Variants in DSCAM observed in about 807,000 individuals in gnomAD.
The protein encoded by DSCAM is DS cell adhesion molecule.
DSCAM carries 47 observed loss-of-function variants against 217.7 expected under a neutral mutation model. The observed-to-expected ratio is 0.22, with a 90% CI of 0.17 to 0.28. The LOEUF (loss-of-function observed/expected upper bound fraction) is 0.28, where lower values mean the gene tolerates loss of function less well. Ranked by LOEUF, DSCAM falls within the 10% of genes least tolerant of loss-of-function variation. The pLI is 1.00. For missense variants in DSCAM, 2,080 were observed against 2,618.3 expected (o/e 0.79, Z 4.49); for synonymous variants, 1,056 against 1,015.3 (o/e 1.04, Z -0.76).
chr21:40,539,431 G>A (rs191941933), intron 3 of DSCAM, among the ~76,000 whole-genome samples: 167 of 151,986 alleles, frequency 1.1e-3, no homozygotes, highest in African/African-American at 3.9e-3. Context: ...GGGAGGCAGA[G>A]CTTGCAGTGA....
chr21:40,785,474 T>A (rs2091584391), intron 1 of DSCAM, among the ~76,000 whole-genome samples: 1 of 152,198 alleles, frequency 6.6e-6, no homozygotes, highest in Non-Finnish European at 1.5e-5. Flanking sequence ...CCAATACACT[T>A]ATCAGGAGAA....
At chr21:40,335,939 T>C (rs1004914966) in intron 8 of DSCAM, among the ~76,000 whole-genome samples, 1 of 152,232 alleles carries the variant, frequency 6.6e-6, no homozygotes, top group African/African-American at 2.4e-5. Context: ...ACAGGATGAC[T>C]ATTCATTGTA....
At chr21:40,735,244 C>A (rs894741097) in intron 1 of DSCAM, among the ~76,000 whole-genome samples, 24 of 152,186 alleles carry the variant, frequency 1.6e-4, no homozygotes, top group African/African-American at 5.8e-4. Context: ...GGCACTGATA[C>A]AAGCTAGATG....
At chr21:40,774,964 GT>G in intron 1 of DSCAM, among the ~76,000 whole-genome samples, 1 of 109,952 alleles carries the variant, frequency 9.1e-6, no homozygotes, top group African/African-American at 3.5e-5. Flanking sequence ...AAATTATTAT[GT>G]AATAATTATA....
At chr21:40,828,136 C>A (rs987040092) in intron 1 of DSCAM, among the ~76,000 whole-genome samples, 2 of 152,122 alleles carry the variant, frequency 1.3e-5, no homozygotes, top group African/African-American at 4.8e-5. Context: ...GATGCAGTGG[C>A]TCACACCTGT....
intron 27 of DSCAM, among the ~76,000 whole-genome samples, chr21:40,072,538 C>CG (rs1444407554): frequency 3.3e-5 from 5 of 151,684 alleles, no homozygotes; most frequent in Non-Finnish European, 7.4e-5. Flanking sequence ...TTAGTAGAGA[C>CG]GGGGTTTCAC....
intron 3 of DSCAM, among the ~76,000 whole-genome samples, chr21:40,671,237 A>G (rs187605895): frequency 2.0e-5 from 3 of 152,362 alleles, no homozygotes; most frequent in Admixed American, 2.0e-4. Context: ...AAATAAAGGG[A>G]TATTTAGAAA....
At chr21:40,228,483 A>G (rs2091353095) in intron 11 of DSCAM, among the ~76,000 whole-genome samples, 1 of 152,084 alleles carries the variant, frequency 6.6e-6, no homozygotes, top group Non-Finnish European at 1.5e-5. Flanking sequence ...TATTTATTTT[A>G]AACTTTGGGT....
At chr21:40,353,049 G>A (rs1463920674) in intron 5 of DSCAM, among the ~76,000 whole-genome samples, 1 of 152,202 alleles carries the variant, frequency 6.6e-6, no homozygotes, top group African/African-American at 2.4e-5. Flanking sequence ...TCTGGAAACA[G>A]ACAAAGGACA....
intron 18 of DSCAM, among the ~76,000 whole-genome samples, chr21:40,135,150 G>C (rs914388091): frequency 3.0e-4 from 45 of 152,206 alleles, no homozygotes; most frequent in African/African-American, 1.0e-3. Context: ...TCCCCTAGGG[G>C]AAGGGGCTGT....
chr21:40,113,208 T>C (rs996693790), intron 20 of DSCAM, among the ~76,000 whole-genome samples: 6 of 152,266 alleles, frequency 3.9e-5, no homozygotes, highest in Admixed American at 3.9e-4. Context: ...AAAAAGCTTA[T>C]CCACCATGAT....
intron 18 of DSCAM, among the ~76,000 whole-genome samples, chr21:40,140,303 A>C (rs947499058): frequency 1.3e-5 from 2 of 152,200 alleles, no homozygotes; most frequent in African/African-American, 4.8e-5. Context: ...CATGAGTGAA[A>C]GTATCTTTAA....
chr21:40,725,430 C>T (rs1479449150), intron 1 of DSCAM, among the ~76,000 whole-genome samples: 2 of 152,210 alleles, frequency 1.3e-5, no homozygotes, highest in African/African-American at 4.8e-5. Flanking sequence ...GGGAATACTG[C>T]ATGAATGAAA....
intron 14 of DSCAM, among the ~76,000 whole-genome samples, chr21:40,186,449 GT>G (rs749766336): frequency 6.6e-6 from 1 of 152,168 alleles, no homozygotes; most frequent in Non-Finnish European, 1.5e-5. Context: ...AGAGGCCACT[GT>G]GGTGGTATTC....
At chr21:40,556,969 G>A (rs1267410852) in intron 3 of DSCAM, among the ~76,000 whole-genome samples, 2 of 152,100 alleles carry the variant, frequency 1.3e-5, no homozygotes, top group Admixed American at 6.5e-5. Flanking sequence ...GCTGTCTCTG[G>A]GGTGGCAGAG....
chr21:40,148,782 C>T (rs79976036), intron 16 of DSCAM, among the ~76,000 whole-genome samples: 5,206 of 152,124 alleles, frequency 0.034, 123 homozygotes, highest in Non-Finnish European at 0.05. Context: ...ATACTGTGAA[C>T]ACCACCACCA....
chr21:40,342,648 A>ATAT (rs61637421), intron 6 of DSCAM, among the ~76,000 whole-genome samples: 163 of 80,328 alleles, frequency 2.0e-3, no homozygotes, highest in South Asian at 4.7e-3. Context: ...ATATATATAT[A>ATAT]TTTTTTTTTT....
At chr21:40,761,430 CT>C (rs1291202949) in intron 1 of DSCAM, among the ~76,000 whole-genome samples, 1 of 145,070 alleles carries the variant, frequency 6.9e-6, no homozygotes, top group East Asian at 2.3e-4. Context: ...CCCTCCATCT[CT>C]CATCTTATAT....
At chr21:40,593,334 CT>C in intron 3 of DSCAM, among the ~76,000 whole-genome samples, 1 of 141,262 alleles carries the variant, frequency 7.1e-6, no homozygotes, top group Middle Eastern at 3.6e-3. Flanking sequence ...TTTTTTTTTC[CT>C]CTGTTTTTGA....
Sources: gnomAD v4.1 joint callset for allele counts (sites outside exome capture counted in the v4.1 genomes callset) on GRCh38, gnomAD v4.1.1 for gene constraint, MANE v1.5 for transcripts, NCBI Gene and HGNC (gene_info 2026-07-23, HGNC 2026-07-21) for gene names.